Variants in GANC observed in about 807,000 individuals in gnomAD.
GANC encodes glucosidase alpha, neutral C.
In GANC, 117 loss-of-function variants were observed where a neutral mutation model predicts 124.2. The observed-to-expected ratio is 0.94, with a 90% CI of 0.81 to 1.10. The LOEUF is 1.10. Among genes scored for constraint, GANC ranks in the 50% least tolerant of loss-of-function variants. The pLI is 0.00. For missense variants in GANC, 1,140 were observed against 1,095.0 expected (o/e 1.04, Z -0.58); for synonymous variants, 377 against 376.8 (o/e 1.00, Z -0.01).
intron 6 of GANC, among the ~76,000 whole-genome samples, chr15:42,300,734 A>G (rs1394221139): frequency 6.6e-6 from 1 of 152,170 alleles, no homozygotes; most frequent in East Asian, 1.9e-4. Context: ...TAAAGAAAAT[A>G]TGGGACTGGG....
At position 42,274,078 on chromosome 15, in the gene GANC, A is replaced by C. The variant is rs1351724152; in HGVS notation, c.-404A>C. The C allele has an allele frequency of 1.2e-5, 3 of 240,746 alleles. No homozygotes were observed. The highest frequency in any genetic ancestry group is 2.4e-5 in the African/African-American group (1 of 42,014). The allele number at this position is 240,746 out of a possible 1,614,324, so 14.9% of individuals were successfully genotyped here. A position where few individuals can be genotyped will look rare whatever the true frequency, so the allele number is the denominator to read the frequency against. Reference sequence around the variant, plus strand: ...TCAAAATCTGTGGCGTGACCCCGCCACTGAGATAGATCTGCAGATGCTTCG... The same window carrying C: ...TCAAAATCTGTGGCGTGACCCCGCCCCTGAGATAGATCTGCAGATGCTTCG... On this transcript the variant is annotated 5_prime_UTR_variant, in exon 1 of 24. Coordinates refer to ENST00000318010, the MANE Select transcript of GANC (RefSeq NM_198141.3).
intron 5 of GANC, among the ~76,000 whole-genome samples, chr15:42,294,604 T>C (rs934670102): frequency 4.0e-5 from 6 of 150,764 alleles, no homozygotes; most frequent in Admixed American, 3.3e-4. Context: ...GTAATGTGTT[T>C]CCAGTTTTTT....
intron 3 of GANC, among the ~76,000 whole-genome samples, chr15:42,283,117 A>C (rs980318450): frequency 1.3e-5 from 2 of 152,218 alleles, no homozygotes; most frequent in Admixed American, 6.5e-5. Flanking sequence ...CATAGCAAAC[A>C]TGATGTTCCA....
chr15:42,291,673 C>A (rs2141026153), intron 4 of GANC, among the ~76,000 whole-genome samples: 1 of 152,240 alleles, frequency 6.6e-6, no homozygotes, highest in South Asian at 2.1e-4. Context: ...GTAGCAGAGG[C>A]AGAGTAGAAA....
At position 42,352,311 on chromosome 15, in the gene GANC, G is replaced by C. The variant is rs548047035; in HGVS notation, c.*172G>C. ...ATAGATTTCATGTTTCAAAATTTCAGATTTTACATGTTAAGATGTACTAAC... is the reference window on the plus strand; with the variant it reads ...ATAGATTTCATGTTTCAAAATTTCACATTTTACATGTTAAGATGTACTAAC... On this transcript the variant is annotated 3_prime_UTR_variant, in exon 24 of 24. Transcript: ENST00000318010. 9.9e-6 allele frequency: 14 copies of C among 1,419,294 alleles called. No homozygotes were observed. Among genetic ancestry groups the C allele is most frequent in the Non-Finnish European group, 1.3e-5 (14 of 1,088,678 alleles). 87.9% of individuals were successfully genotyped at this position (1,419,294 alleles called of 1,614,324 possible). A position where few individuals can be genotyped will look rare whatever the true frequency, so the allele number is the denominator to read the frequency against.
chr15:42,348,073 T>G, intron 20 of GANC, 30 bp from the exon 21 acceptor site: 1 of 1,236,876 alleles, frequency 8.1e-7, no homozygotes, highest in Non-Finnish European at 1.2e-6. Flanking sequence ...ATATGAATAC[T>G]GCTTCCCTGA....
chr15:42,348,245 T>C (rs2141083431), intron 21 of GANC, 29 bp downstream of exon 21: 2 of 1,386,140 alleles, frequency 1.4e-6, no homozygotes, highest in East Asian at 4.6e-5. Flanking sequence ...ACTCATTTTG[T>C]TTCTACTCTT....
rs192290618 is a variant in GANC, at chr15:42,276,429, G to A, written c.92+19G>A. ...TTTACAGGTAAGGAAAATAAATATA[G>A]TAGCTAGATCAAAACATCTCTGACA... On this transcript the variant is annotated intron_variant, in intron 2 of 23. Coordinates refer to ENST00000318010, the MANE Select transcript of GANC (RefSeq NM_198141.3). 6 of 1,192,340 alleles carry A rather than the reference G, an allele frequency of 5.0e-6. No individual in the cohort carries two copies. The highest frequency in any genetic ancestry group is 4.7e-5 in the East Asian group (2 of 42,558). 73.9% of individuals were successfully genotyped at this position (1,192,340 alleles called of 1,614,324 possible).
rs118015400 is a variant in GANC at position 42,342,011 on chromosome 15, T to C, written c.2153-1067T>C. 6.6e-4 allele frequency among the ~76,000 whole-genome samples: 101 copies of C among 152,314 alleles called. No homozygotes were observed. In the East Asian group the frequency reaches 0.016, roughly 24 times the overall value. On this transcript the variant is annotated intron_variant, in intron 18 of 23. Coordinates refer to ENST00000318010, the MANE Select transcript of GANC (RefSeq NM_198141.3). ...AGCCCCTCTTATTATGTAACTTTCA[T>C]TCCATTTTGTAATTTGGTCTCTTTT...
At chr15:42,325,518 C>G (rs1245730195) in intron 11 of GANC, among the ~76,000 whole-genome samples, 1 of 152,138 alleles carries the variant, frequency 6.6e-6, no homozygotes, top group African/African-American at 2.4e-5. Context: ...GCCTGCACCA[C>G]TGGGCTTGGG....
intron 12 of GANC, 128 bp from the exon 13 acceptor site, chr15:42,327,235 G>T: frequency 1.5e-6 from 1 of 653,024 alleles, no homozygotes; most frequent in East Asian, 2.7e-5. Context: ...CCATGCCTCT[G>T]TCAGCCAACT....
chr15:42,348,864 C>G lies in GANC; in HGVS notation c.2419-519C>G, dbSNP rs1003260743. Among the ~76,000 whole-genome samples, 6 of 152,088 alleles carry G rather than the reference C, an allele frequency of 3.9e-5. No homozygotes were observed. The East Asian group carries it at 7.7e-4, about 20-fold the overall frequency. The stretch of plus-strand genomic sequence containing the variant: ...CCCTATCTTTTTCACTTAGGCATGT[C>G]TTCTTGGGCCAAACTATGGGTCCCA... On this transcript the variant is annotated intron_variant, in intron 21 of 23. Transcript: ENST00000318010.
rs1388912180 is a variant in GANC at position 42,297,593 on chromosome 15, T to G, written c.513-18T>G. 13 of 1,607,406 alleles carry G rather than the reference T, an allele frequency of 8.1e-6. No individual in the cohort carries two copies. Among genetic ancestry groups the G allele is most frequent in the Non-Finnish European group, 1.1e-5 (13 of 1,175,734 alleles). On this transcript the variant is annotated intron_variant, in intron 5 of 23. Transcript: ENST00000318010. ...AGTCTTGCCATTGAGTGAAACAACT[T>G]TATTTACGTTAAAACAGAGCTGCTA... is the stretch of plus-strand genomic sequence containing the variant.
intron 11 of GANC, among the ~76,000 whole-genome samples, chr15:42,322,703 C>T (rs924479467): frequency 4.6e-5 from 7 of 152,124 alleles, no homozygotes; most frequent in Non-Finnish European, 7.3e-5. Context: ...CTGCATGCTT[C>T]CCTGGTGGAC....
intron 5 of GANC, among the ~76,000 whole-genome samples, chr15:42,296,510 A>C (rs536439306): frequency 5.8e-4 from 88 of 152,294 alleles, no homozygotes; most frequent in African/African-American, 2.0e-3. Flanking sequence ...CTCCTGCCTC[A>C]GCCTCCCAAG....
intron 2 of GANC, chr15:42,277,977 T>C (rs2051692367): frequency 4.8e-6 from 1 of 209,162 alleles, no homozygotes; most frequent in African/African-American, 2.4e-5. Flanking sequence ...AATCAAAAAT[T>C]GTATTATACA....
At chr15:42,332,826 C>G (rs2052256317) in intron 15 of GANC, among the ~76,000 whole-genome samples, 1 of 139,518 alleles carries the variant, frequency 7.2e-6, no homozygotes, top group Non-Finnish European at 1.5e-5. Context: ...CTAGCCTGAT[C>G]AACATGGTGA....
intron 16 of GANC, 58 bp downstream of exon 16, chr15:42,338,548 A>G (rs1457128979): frequency 6.5e-6 from 8 of 1,231,834 alleles, no homozygotes; most frequent in Non-Finnish European, 8.4e-6. Flanking sequence ...GGGTGTTTTC[A>G]TCAAAGCTGG....
intron 3 of GANC, among the ~76,000 whole-genome samples, chr15:42,285,180 A>G (rs572210976): frequency 9.9e-5 from 15 of 152,210 alleles, no homozygotes; most frequent in Non-Finnish European, 2.2e-4. Context: ...TGAAAGAGCA[A>G]GGATGTGGTG....
Sources: gnomAD v4.1 joint callset for allele counts (sites outside exome capture counted in the v4.1 genomes callset) on GRCh38, gnomAD v4.1.1 for gene constraint, MANE v1.5 for transcripts, NCBI Gene and HGNC (gene_info 2026-07-23, HGNC 2026-07-21) for gene names.